MPST: variants seen among roughly 807,000 people sequenced by gnomAD.
MPST encodes the protein 3-mercaptopyruvate sulfurtransferase.
MPST carries 27 observed loss-of-function variants against 28.5 expected under a neutral mutation model. The observed-to-expected ratio is 0.95, with a 90% CI of 0.70 to 1.31. The LOEUF is 1.31. Ranked by LOEUF, MPST falls within the 50% of genes most tolerant of loss-of-function variation. The pLI, the probability that MPST is intolerant of heterozygous loss-of-function variation, is 0.00. For synonymous variants in MPST, 204 were observed against 209.3 expected (o/e 0.97, Z 0.22); for missense variants, 492 against 471.1 (o/e 1.04, Z -0.41).
intron 1 of MPST, 51 bp downstream of exon 1, chr22:37,019,923 T>C: frequency 1.1e-6 from 1 of 945,120 alleles, no homozygotes. Context: ...AGGGAGTGGC[T>C]CTTTGGGGGT....
intron 2 of MPST, chr22:37,025,197 C>A (rs965702138): frequency 6.1e-5 from 76 of 1,237,880 alleles, no homozygotes; most frequent in Non-Finnish European, 7.3e-5. Context: ...TAATACTGGC[C>A]CTTCCCCTCC....
At chr22:37,024,923 C>T in intron 2 of MPST, 113 bp downstream of exon 2, 1 of 1,541,632 alleles carries the variant, frequency 6.5e-7, no homozygotes, top group South Asian at 1.2e-5. Context: ...CTTTCATTTC[C>T]TTTCCTTTTT....
At chr22:37,021,869 G>T (rs1193039882) in intron 1 of MPST, among the ~76,000 whole-genome samples, 4 of 152,146 alleles carry the variant, frequency 2.6e-5, no homozygotes, top group Admixed American at 2.6e-4. Flanking sequence ...AGGTGGAGGT[G>T]AGAAGCTCCA....
chr22:37,028,910 G>A (rs1269191697), intron 2 of MPST: 4 of 322,414 alleles, frequency 1.2e-5, no homozygotes, highest in Non-Finnish European at 2.3e-5. Context: ...TTATTGCTTT[G>A]CTGTCCCTAG....
At chr22:37,024,865 A>G (rs766192724) in intron 2 of MPST, 55 bp downstream of exon 2, 12 of 1,581,308 alleles carry the variant, frequency 7.6e-6, no homozygotes, top group Non-Finnish European at 9.4e-6. Flanking sequence ...CTACGCCCTG[A>G]GCAGTGCCCT....
intron 1 of MPST, among the ~76,000 whole-genome samples, chr22:37,022,853 T>C (rs762596519): frequency 2.6e-5 from 4 of 152,220 alleles, no homozygotes; most frequent in Non-Finnish European, 4.4e-5. Flanking sequence ...CTGCAGCCCA[T>C]ACTCCACACA....
chr22:37,020,352 G>T (rs1213295984), intron 1 of MPST, among the ~76,000 whole-genome samples: 1 of 152,094 alleles, frequency 6.6e-6, no homozygotes, highest in Non-Finnish European at 1.5e-5. Context: ...GTTGCTGGAG[G>T]ACACACCCAG....
chr22:37,024,341 G>A lies in MPST; in HGVS notation c.186G>A (p.Gly62=). The A allele has an allele frequency of 6.5e-7, 1 of 1,538,992 alleles. No individual in the cohort carries two copies. The highest frequency in any genetic ancestry group is 8.7e-7 in the Non-Finnish European group (1 of 1,144,402). Residue 62 remains glycine (G), a synonymous_variant, in exon 2 of 3, where the codon GGG becomes GGA. Coordinates refer to ENST00000429360, the MANE Select transcript of MPST (RefSeq NM_021126.8). ...CCTCCTGGTACCTGCCGAAGCTGGG[G>A]CGCGACGCGCGACGCGAGTTCGAGG... ...LDASWYLPKL[G]RDARREFEER...
Position 37,019,886 on chromosome 22 carries a change from C to A in MPST, c.36+14C>A. The A allele has an allele frequency of 8.3e-7, 1 of 1,198,942 alleles. No homozygotes were observed. Among genetic ancestry groups the A allele is most frequent in the South Asian group, 4.2e-5 (1 of 23,680 alleles). The allele number at this position is 1,198,942 out of a possible 1,614,324, so 74.3% of individuals were successfully genotyped here. The stretch of plus-strand genomic sequence containing the variant: ...TCCGAGACCCGGGTAACTGCCGCGG[C>A]GTGGCGGCTTGCCTTTCTGGAGGGG... On this transcript the variant is annotated intron_variant, in intron 1 of 2. Coordinates refer to ENST00000429360, the MANE Select transcript of MPST (RefSeq NM_021126.8).
rs377537793 is a variant in MPST, at chr22:37,029,534, G to T, written c.*20G>T. The T allele has an allele frequency of 6.4e-7, 1 of 1,572,746 alleles. No individual in the cohort carries two copies. The highest frequency in any genetic ancestry group is 8.7e-7 in the Non-Finnish European group (1 of 1,155,954). On this transcript the variant is annotated 3_prime_UTR_variant, in exon 3 of 3. Coordinates refer to ENST00000429360, the MANE Select transcript of MPST (RefSeq NM_021126.8). Reference sequence around the variant, plus strand: ...CACTGAAGCTGGGCAGGACACAGGCGAGCTCAGGTGATGCCGGCCACCAGC... The same window carrying T: ...CACTGAAGCTGGGCAGGACACAGGCTAGCTCAGGTGATGCCGGCCACCAGC...
chr22:37,027,856 C>T (rs1923633977), intron 2 of MPST: 1 of 152,228 alleles, frequency 6.6e-6, no homozygotes, highest in Non-Finnish European at 1.5e-5. Context: ...TCGGGGCATT[C>T]TCAGAGAAAC....
intron 2 of MPST, chr22:37,027,444 G>A (rs3753144): frequency 0.26 from 39,532 of 151,874 alleles, 5,573 homozygotes; most frequent in East Asian, 0.61. Context: ...GGAAATCTAG[G>A]TTGGGCAAGG....
chr22:37,025,257 C>T, intron 2 of MPST: 2 of 913,640 alleles, frequency 2.2e-6, no homozygotes, highest in South Asian at 1.7e-5. Flanking sequence ...CCTGGTTGCC[C>T]AAACAGCTCT....
Position 37,024,784 on chromosome 22 carries a change from G to C in MPST, c.629G>C (p.Arg210Pro). Residue 210 changes from arginine to proline, a missense_variant, in exon 2 of 3, where the codon CGC becomes CCC. Coordinates refer to ENST00000429360, the MANE Select transcript of MPST (RefSeq NM_021126.8). ...VVDSRATGRF[R>P]GTEPEPRDGI... is the part of the protein sequence containing the mutation. ...GACTCCCGAGCCACTGGCAGGTTCC[G>C]CGGCACCGAGCCCGAGCCCCGAGAC... 6.2e-7 allele frequency: 1 copy of C among 1,602,702 alleles called. No homozygotes were observed. The highest frequency in any genetic ancestry group is 1.1e-5 in the South Asian group (1 of 91,010).
Position 37,024,413 on chromosome 22 carries a change from C to A in MPST, c.258C>A (p.Ser86Arg). The change falls in exon 2 of 3, where the codon AGC becomes AGA. Residue 86 changes from serine to arginine, a missense_variant. Transcript: ENST00000429360. ...CTTTCTTCGACATCGACCAGTGCAG[C>A]GACCGCACCTCGCCCTACGACCACA... is the stretch of plus-strand genomic sequence containing the variant. Reference protein sequence around the residue: ...GAAFFDIDQCSDRTSPYDHML... With the variant: ...GAAFFDIDQCRDRTSPYDHML... 1 of 1,544,638 alleles carries A rather than the reference C, an allele frequency of 6.5e-7. No individual in the cohort carries two copies. Among genetic ancestry groups the A allele is most frequent in the Non-Finnish European group, 8.7e-7 (1 of 1,143,564 alleles).
intron 2 of MPST, chr22:37,026,074 C>T (rs1923504384): frequency 1.3e-5 from 2 of 152,276 alleles, no homozygotes; most frequent in East Asian, 3.9e-4. Flanking sequence ...TTTGAACCTA[C>T]ACAGGTGTCA....
intron 1 of MPST, among the ~76,000 whole-genome samples, chr22:37,022,776 C>T (rs930465562): frequency 2.6e-5 from 4 of 152,214 alleles, no homozygotes; most frequent in African/African-American, 4.8e-5. Flanking sequence ...CCCTTCATTT[C>T]GCTGGCAGGA....
chr22:37,019,953 C>A, intron 1 of MPST, 81 bp downstream of exon 1: 1 of 683,242 alleles, frequency 1.5e-6, no homozygotes, highest in Non-Finnish European at 2.1e-6. Flanking sequence ...GGGGCTCCCG[C>A]GCGGGACCTG....
chr22:37,021,231 C>T (rs1257803942), intron 1 of MPST, among the ~76,000 whole-genome samples: 4 of 152,110 alleles, frequency 2.6e-5, no homozygotes, highest in East Asian at 1.9e-4. Context: ...ACAGTGATCC[C>T]GGCTTCTGAA....
Sources: allele counts gnomAD v4.1 joint callset (sites outside exome capture counted in the v4.1 genomes callset), GRCh38; gene constraint gnomAD v4.1.1; transcripts MANE v1.5; gene names NCBI Gene and HGNC (gene_info 2026-07-23, HGNC 2026-07-21).